RANBP17: variants seen among roughly 807,000 people sequenced by gnomAD.
RANBP17 encodes RAN binding protein 17.
RANBP17 carries 158 observed loss-of-function variants against 141.2 expected under a neutral mutation model. The ratio of observed to expected loss-of-function variants is 1.12; its 90% CI spans 0.98 to 1.28. The LOEUF (loss-of-function observed/expected upper bound fraction) is 1.28. Ranked by LOEUF, RANBP17 falls within the 50% of genes most tolerant of loss-of-function variation. The pLI is 0.00. For synonymous variants in RANBP17, 430 were observed against 450.0 expected (o/e 0.96, Z 0.56); for missense variants, 1,438 against 1,290.7 (o/e 1.11, Z -1.75).
intron 25 of RANBP17, among the ~76,000 whole-genome samples, chr5:171,281,568 A>G (rs1353344738): frequency 3.9e-5 from 6 of 152,172 alleles, no homozygotes; most frequent in East Asian, 1.9e-4. Context: ...ACTTGATCCA[A>G]TTCCGTACCA....
At chr5:171,171,408 A>G (rs1429998946) in intron 16 of RANBP17, 122 bp downstream of exon 16, 3 of 529,814 alleles carry the variant, frequency 5.7e-6, no homozygotes, top group Non-Finnish European at 1.0e-5. Flanking sequence ...AAGACCTTTC[A>G]TTTAGCCTTA....
intron 18 of RANBP17, among the ~76,000 whole-genome samples, chr5:171,198,495 C>T (rs1168950457): frequency 6.6e-6 from 1 of 152,206 alleles, no homozygotes; most frequent in South Asian, 2.1e-4. Context: ...ACCTCCGTTA[C>T]TTTGTCTGAA....
intron 14 of RANBP17, among the ~76,000 whole-genome samples, chr5:171,147,297 GA>G: frequency 7.0e-6 from 1 of 143,534 alleles, no homozygotes; most frequent in Non-Finnish European, 1.5e-5. Context: ...AAACATGGAA[GA>G]AAAAGTAGAA....
At chr5:170,913,311 A>G (rs1331559687) in intron 7 of RANBP17, among the ~76,000 whole-genome samples, 1 of 151,982 alleles carries the variant, frequency 6.6e-6, no homozygotes, top group Non-Finnish European at 1.5e-5. Flanking sequence ...TTAAGGAGCA[A>G]CCAGTTCAAG....
intron 14 of RANBP17, among the ~76,000 whole-genome samples, chr5:171,157,827 T>C (rs1206350209): frequency 6.6e-6 from 1 of 152,230 alleles, no homozygotes; most frequent in Non-Finnish European, 1.5e-5. Context: ...TAAATCAACA[T>C]ATTATCCTAA....
intron 12 of RANBP17, among the ~76,000 whole-genome samples, chr5:170,942,129 C>G (rs1179243542): frequency 1.3e-5 from 2 of 152,118 alleles, no homozygotes; most frequent in African/African-American, 4.8e-5. Flanking sequence ...CTAAGTTGCA[C>G]ACTCCTTTTG....
At chr5:170,897,917 A>G (rs2127395836) in intron 5 of RANBP17, among the ~76,000 whole-genome samples, 2 of 152,332 alleles carry the variant, frequency 1.3e-5, no homozygotes, top group East Asian at 3.9e-4. Context: ...TCCTTTGGGT[A>G]TATACCCAGT....
chr5:171,265,178 T>C (rs1355563697), intron 24 of RANBP17, among the ~76,000 whole-genome samples: 1 of 152,198 alleles, frequency 6.6e-6, no homozygotes, highest in East Asian at 1.9e-4. Context: ...TATCCAGGAA[T>C]TATTTATTTA....
intron 1 of RANBP17, among the ~76,000 whole-genome samples, chr5:170,862,670 G>GCGCGGGCGCGGA (rs936879637): frequency 3.9e-5 from 6 of 152,170 alleles, no homozygotes; most frequent in South Asian, 2.1e-4. Flanking sequence ...CCGGGCGCGG[G>GCGCGGGCGCGGA]CGCGGGCGCG....
At chr5:170,885,721 G>T (rs1716406798) in intron 3 of RANBP17, among the ~76,000 whole-genome samples, 1 of 152,018 alleles carries the variant, frequency 6.6e-6, no homozygotes, top group African/African-American at 2.4e-5. Context: ...GTGTTGTTTT[G>T]TCCTCTTTAA....
chr5:170,967,585 A>C (rs1366078891), intron 13 of RANBP17, among the ~76,000 whole-genome samples: 1 of 151,126 alleles, frequency 6.6e-6, no homozygotes. Context: ...ATTTAACATA[A>C]TCTTCAGTTC....
chr5:171,040,287 G>C (rs981109919), intron 14 of RANBP17, among the ~76,000 whole-genome samples: 1 of 152,032 alleles, frequency 6.6e-6, no homozygotes, highest in Non-Finnish European at 1.5e-5. Flanking sequence ...TCAATAGATG[G>C]GGAAAAAGCT....
At chr5:171,011,238 CT>C (rs1780012691) in intron 14 of RANBP17, among the ~76,000 whole-genome samples, 2 of 152,018 alleles carry the variant, frequency 1.3e-5, no homozygotes, top group African/African-American at 4.8e-5. Flanking sequence ...AGATATTGTA[CT>C]GCTTGTATTT....
chr5:170,999,153 T>G (rs903663279), intron 14 of RANBP17, among the ~76,000 whole-genome samples: 2 of 152,070 alleles, frequency 1.3e-5, no homozygotes. Context: ...CTTAAATCAT[T>G]GCATTAATTG....
intron 22 of RANBP17, among the ~76,000 whole-genome samples, chr5:171,227,760 T>TC (rs1371860967): frequency 6.6e-6 from 1 of 152,182 alleles, no homozygotes; most frequent in Non-Finnish European, 1.5e-5. Flanking sequence ...GACGGTGACT[T>TC]GAAGTTGAAG....
At chr5:171,074,366 A>G (rs1784793812) in intron 14 of RANBP17, among the ~76,000 whole-genome samples, 1 of 152,196 alleles carries the variant, frequency 6.6e-6, no homozygotes, top group African/African-American at 2.4e-5. Context: ...AGACCAAGGA[A>G]ACACGACGAT....
chr5:170,996,903 G>A (rs1452527661), intron 14 of RANBP17, among the ~76,000 whole-genome samples: 1 of 152,176 alleles, frequency 6.6e-6, no homozygotes, highest in Non-Finnish European at 1.5e-5. Context: ...CAAATCTTCA[G>A]TGTGATGTGT....
intron 23 of RANBP17, among the ~76,000 whole-genome samples, chr5:171,241,955 A>G (rs1764905842): frequency 1.3e-5 from 2 of 151,460 alleles, no homozygotes; most frequent in Admixed American, 1.3e-4. Context: ...TGGTCTTAAC[A>G]TCACTTTAAG....
At chr5:171,271,366 A>G (rs1179617134) in intron 25 of RANBP17, 2 of 211,566 alleles carry the variant, frequency 9.5e-6, no homozygotes, top group Non-Finnish European at 1.9e-5. Flanking sequence ...ACATTTTGAC[A>G]TACTAACCAA....
Sources: allele counts gnomAD v4.1 joint callset (sites outside exome capture counted in the v4.1 genomes callset), GRCh38; gene constraint gnomAD v4.1.1; transcripts MANE v1.5; gene names NCBI Gene and HGNC (gene_info 2026-07-23, HGNC 2026-07-21).